KATNIP: variants seen among roughly 807,000 people sequenced by gnomAD.
KATNIP encodes katanin interacting protein, also known as katanin-interacting protein.
A neutral mutation model predicts 174.0 loss-of-function variants in KATNIP; 126 were observed. That is an observed-to-expected ratio of 0.72 (90% CI 0.63 to 0.84). The LOEUF is 0.84. Among genes scored for constraint, KATNIP ranks in the 40% least tolerant of loss-of-function variants. The probability of loss-of-function intolerance (pLI) is 0.00; values close to 1 mark genes in which losing one functional copy is unlikely to be tolerated. For synonymous variants in KATNIP, 810 were observed against 835.7 expected (o/e 0.97, Z 0.53); for missense variants, 1,958 against 2,109.7 (o/e 0.93, Z 1.41).
chr16:27,704,123 C>CT (rs2079205911), intron 12 of KATNIP, 125 bp downstream of exon 12: 2 of 603,220 alleles, frequency 3.3e-6, no homozygotes, highest in Non-Finnish European at 5.8e-6. Flanking sequence ...GTTTCCACCG[C>CT]CCCCCCCCTC....
Position 27,761,537 on chromosome 16 carries a change from C to T in KATNIP, c.3756C>T (p.Pro1252=). ...PIHLHQISAS[P]RDLNELPEYS... ...ACCTGCACCAGATCTCTGCTTCCCCCAGAGACTTAAATGAGCTCCCCGAGT... is the reference window on the plus strand; with the variant it reads ...ACCTGCACCAGATCTCTGCTTCCCCTAGAGACTTAAATGAGCTCCCCGAGT... The change falls in exon 19 of 28, where the codon CCC becomes CCT. Residue 1252 remains proline (P), a synonymous_variant. Transcript: ENST00000261588. The T allele has an allele frequency of 2.5e-6, 4 of 1,614,166 alleles. No individual in the cohort carries two copies. Among genetic ancestry groups the T allele is most frequent in the Admixed American group, 1.7e-5 (1 of 60,018 alleles).
chr16:27,690,363 T>TAGATAGATAGATGATA (rs397837255), intron 8 of KATNIP, among the ~76,000 whole-genome samples: 4,624 of 90,286 alleles, frequency 0.051, 98 homozygotes, highest in East Asian at 0.083. Flanking sequence ...GATAGATAGA[T>TAGATAGATAGATGATA]GATAGATAGA....
chr16:27,703,616 C>T (rs554711149), intron 11 of KATNIP, among the ~76,000 whole-genome samples: 1 of 152,328 alleles, frequency 6.6e-6, no homozygotes, highest in South Asian at 2.1e-4. Flanking sequence ...GTTCAGCTGA[C>T]CTCTGCTCTT....
chr16:27,587,733 C>T (rs2090953135), intron 2 of KATNIP, among the ~76,000 whole-genome samples: 1 of 152,142 alleles, frequency 6.6e-6, no homozygotes, highest in Admixed American at 6.5e-5. Flanking sequence ...GAGTACTGTA[C>T]TCAAAGTGAA....
At chr16:27,587,957 C>A (rs1177037355) in intron 2 of KATNIP, among the ~76,000 whole-genome samples, 1 of 150,342 alleles carries the variant, frequency 6.7e-6, no homozygotes, top group Non-Finnish European at 1.5e-5. Context: ...ACTTTGTCAC[C>A]CAGGCTGGTG....
At chr16:27,775,913 A>G (rs530961523) in intron 24 of KATNIP, among the ~76,000 whole-genome samples, 1 of 152,248 alleles carries the variant, frequency 6.6e-6, no homozygotes, top group Admixed American at 6.5e-5. Context: ...GACCCCCCCT[A>G]TTGAGCGTCC....
At chr16:27,682,820 C>T (rs1294700329) in intron 8 of KATNIP, among the ~76,000 whole-genome samples, 1 of 152,008 alleles carries the variant, frequency 6.6e-6, no homozygotes, top group Non-Finnish European at 1.5e-5. Flanking sequence ...AAGGCTTGTC[C>T]AGTGGATTAA....
chr16:27,741,819 T>C (rs967355155), intron 15 of KATNIP, among the ~76,000 whole-genome samples: 1 of 152,000 alleles, frequency 6.6e-6, no homozygotes, highest in Non-Finnish European at 1.5e-5. Flanking sequence ...GGAGGATCAC[T>C]TGAACCTAGG....
chr16:27,572,329 A>G (rs1043356825), intron 1 of KATNIP, among the ~76,000 whole-genome samples: 4 of 148,510 alleles, frequency 2.7e-5, no homozygotes, highest in African/African-American at 9.9e-5. Flanking sequence ...TCATCCTTAA[A>G]TCCTAGGTTC....
At chr16:27,554,265 C>T (rs887701459) in intron 1 of KATNIP, among the ~76,000 whole-genome samples, 1 of 152,152 alleles carries the variant, frequency 6.6e-6, no homozygotes, top group African/African-American at 2.4e-5. Context: ...GAGTTTGAGA[C>T]TAGCCTGGCC....
chr16:27,734,559 C>T (rs1182279769), intron 14 of KATNIP, among the ~76,000 whole-genome samples: 2 of 151,884 alleles, frequency 1.3e-5, no homozygotes, highest in African/African-American at 4.8e-5. Context: ...AATAGCCGGG[C>T]GTAGTGGCGT....
intron 10 of KATNIP, among the ~76,000 whole-genome samples, chr16:27,701,015 C>T (rs1016896326): frequency 2.6e-5 from 4 of 151,552 alleles, no homozygotes; most frequent in African/African-American, 2.4e-5. Context: ...TTTTTAGCGT[C>T]GATGACAAAT....
intron 20 of KATNIP, 145 bp downstream of exon 20, chr16:27,766,619 G>T: frequency 1.2e-6 from 1 of 823,880 alleles, no homozygotes; most frequent in Non-Finnish European, 1.9e-6. Context: ...GGGAGAGAGA[G>T]AGCTGCTGTT....
chr16:27,584,618 C>G (rs1479771269), intron 2 of KATNIP, among the ~76,000 whole-genome samples: 1 of 152,070 alleles, frequency 6.6e-6, no homozygotes, highest in African/African-American at 2.4e-5. Flanking sequence ...TGGCAAAACC[C>G]TGTCTCTACT....
chr16:27,558,462 G>GA (rs1027966730), intron 1 of KATNIP, among the ~76,000 whole-genome samples: 3 of 151,606 alleles, frequency 2.0e-5, no homozygotes, highest in East Asian at 3.9e-4. Flanking sequence ...GTTTTAATCT[G>GA]AAAAAAAGGG....
chr16:27,773,208 CA>C lies in KATNIP; in HGVS notation c.4309del (p.Asn1437IlefsTer9). The stretch of plus-strand genomic sequence containing the variant: ...GAGAAAAAATCCCCTTGTCGGAAAA[CA>C]GTATCCTTTGTAGGACAGGAGTGGG... ...RGEKIPLSEN[N>X]IAAFPDSVNS... On this transcript the variant is annotated frameshift_variant and splice_region_variant, in exon 23 of 28. Transcript: ENST00000261588. LOFTEE classifies it high-confidence loss of function. 6.2e-7 allele frequency: 1 copy of C among 1,601,334 alleles called. No homozygotes were observed. The highest frequency in any genetic ancestry group is 2.2e-5 in the East Asian group (1 of 44,784).
At chr16:27,762,922 C>T (rs1368966396) in intron 19 of KATNIP, among the ~76,000 whole-genome samples, 1 of 152,208 alleles carries the variant, frequency 6.6e-6, no homozygotes, top group Non-Finnish European at 1.5e-5. Flanking sequence ...TATCTGTTGG[C>T]AAATCCCAGG....
intron 14 of KATNIP, among the ~76,000 whole-genome samples, chr16:27,733,997 G>A (rs554809078): frequency 1.3e-5 from 2 of 152,026 alleles, no homozygotes; most frequent in African/African-American, 2.4e-5. Context: ...ACACACATAC[G>A]CACACCCACC....
At chr16:27,745,438 C>T (rs1474806173) in intron 15 of KATNIP, among the ~76,000 whole-genome samples, 2 of 152,226 alleles carry the variant, frequency 1.3e-5, no homozygotes, top group African/African-American at 4.8e-5. Flanking sequence ...GCCTCACAGC[C>T]CTGGAGTGAC....
Sources: allele counts gnomAD v4.1 joint callset (sites outside exome capture counted in the v4.1 genomes callset), GRCh38; gene constraint gnomAD v4.1.1; transcripts MANE v1.5; gene names NCBI Gene and HGNC (gene_info 2026-07-23, HGNC 2026-07-21).